Variants in FAM131A observed in about 807,000 individuals in gnomAD.
FAM131A encodes the protein protein FAM131A.
A neutral mutation model predicts 39.2 loss-of-function variants in FAM131A; 24 were observed. The observed-to-expected ratio is 0.61, with a 90% CI of 0.44 to 0.86. The LOEUF is 0.86. FAM131A is among the 40% of genes least tolerant of loss of function. The pLI, the probability that FAM131A is intolerant of heterozygous loss-of-function variation, is 0.00. For missense variants in FAM131A, 373 were observed against 481.2 expected, an observed-to-expected ratio of 0.78 and a Z score of 2.10; for synonymous variants, 202 against 206.8, an observed-to-expected ratio of 0.98 and a Z score of 0.20.
upstream of FAM131A, chr3:184,337,548 TC>T: frequency 4.6e-6 from 6 of 1,305,000 alleles, no homozygotes; most frequent in Non-Finnish European, 6.4e-6. Context: ...TGGCTCAGCA[TC>T]CGGAGCCAAA....
At chr3:184,343,120 CTCA>C in intron 5 of FAM131A, 3 of 115,366 alleles carry the variant, frequency 2.6e-5, no homozygotes, top group Non-Finnish European at 1.4e-5. Flanking sequence ...CCTTGCAGTC[CTCA>C]AAAAAAAAAA....
Position 184,342,996 on chromosome 3 carries a change from C to CTG in FAM131A, c.625+136_625+137insTG. On this transcript the variant is annotated intron_variant, in intron 5 of 5. Transcript: ENST00000383847. The surrounding 1 kb of genome is among the most constrained non-coding windows in gnomAD (Gnocchi z 4.6). ...CAGACTCAGTCCAGGCAGGCCTGGA[C>CTG]ACTCCAGGGACAGGAAGGCTGTCCA... The CTG allele has an allele frequency of 2.8e-6, 2 of 702,990 alleles. No homozygotes were observed. The highest frequency in any genetic ancestry group is 5.0e-6 in the Non-Finnish European group (2 of 403,518). The allele number at this position is 702,990 out of a possible 1,614,324, so 43.5% of individuals were successfully genotyped here.
In FAM131A at chr3:184,345,002, C is replaced by T. The variant is rs1727573462; in HGVS notation, c.*32C>T. 2.0e-6 allele frequency: 3 copies of T among 1,468,346 alleles called. No homozygotes were observed. Among genetic ancestry groups the T allele is most frequent in the African/African-American group, 1.4e-5 (1 of 71,300 alleles). The allele number at this position is 1,468,346 out of a possible 1,614,324, so 91.0% of individuals were successfully genotyped here. On this transcript the variant is annotated 3_prime_UTR_variant, in exon 6 of 6. Transcript: ENST00000383847. ...TCATGCCTGGCAGTGGCATGCATCC[C>T]CCGGCTGCTGCCAGGGGCAGAGCCT... is the stretch of plus-strand genomic sequence containing the variant.
At position 184,342,663 on chromosome 3, in the gene FAM131A, T is replaced by C. The variant is rs527524944; in HGVS notation, c.509-81T>C. ...TGGGGGTTGGAGTCTTCCCATACCC[T>C]GTTTCTCCTCTCTCCTGTCTTCAAG... On this transcript the variant is annotated intron_variant, in intron 4 of 5. Coordinates refer to ENST00000383847, the MANE Select transcript of FAM131A (RefSeq NM_144635.5). This position sits in a 1 kb window ranked among gnomAD's most constrained non-coding sequence, Gnocchi z 4.6. 2 of 1,276,658 alleles carry C rather than the reference T, an allele frequency of 1.6e-6. No homozygotes were observed. 79.1% of individuals were successfully genotyped at this position (1,276,658 alleles called of 1,614,324 possible).
At chr3:184,336,152 G>A (rs1397121606), upstream of FAM131A, 1 of 152,568 alleles carries the variant, frequency 6.6e-6, no homozygotes, top group Non-Finnish European at 1.5e-5. This position sits in a 1 kb window ranked among gnomAD's most constrained non-coding sequence, Gnocchi z 5.5. Flanking sequence ...GTACGGGTTG[G>A]GGAGTCGGGC....
At position 184,342,643 on chromosome 3, in the gene FAM131A, G is replaced by A; in HGVS notation, c.509-101G>A. 1.9e-6 allele frequency: 2 copies of A among 1,031,800 alleles called. No individual in the cohort carries two copies. Among genetic ancestry groups the A allele is most frequent in the Non-Finnish European group, 2.9e-6 (2 of 692,056 alleles). 63.9% of individuals were successfully genotyped at this position (1,031,800 alleles called of 1,614,324 possible). ...TTATCTCCTCGGGTCTGACATGGGG[G>A]TTGGAGTCTTCCCATACCCTGTTTC... is the stretch of plus-strand genomic sequence containing the variant. On this transcript the variant is annotated intron_variant, in intron 4 of 5. Transcript: ENST00000383847. The surrounding 1 kb of genome is among the most constrained non-coding windows in gnomAD (Gnocchi z 4.6).
At position 184,344,734 on chromosome 3, in the gene FAM131A, C is replaced by T. The variant is rs148934377; in HGVS notation, c.865C>T (p.Arg289Trp). The T allele has an allele frequency of 9.2e-5, 149 of 1,612,376 alleles. No individual in the cohort carries two copies. The highest frequency in any genetic ancestry group is 1.8e-4 in the East Asian group (8 of 44,878). Residue 289 changes from arginine to tryptophan, a missense_variant, in exon 6 of 6, where the codon CGG becomes TGG. Coordinates refer to ENST00000383847, the MANE Select transcript of FAM131A (RefSeq NM_144635.5). ...GCTTCTCGCCAAACTGCCCCCCAGC[C>T]GGGAAAGTGCCTTCCGCAGCCTGGG... is the stretch of plus-strand genomic sequence containing the variant. ...ELLLAKLPPS[R>W]ESAFRSLGPL...
intron 2 of FAM131A, chr3:184,339,376 G>A (rs749922439): frequency 2.0e-5 from 3 of 152,320 alleles, no homozygotes; most frequent in African/African-American, 4.8e-5. Context: ...CCAGAGGAAA[G>A]CTGAGTTCCT....
At position 184,344,520 on chromosome 3, in the gene FAM131A, G is replaced by T; in HGVS notation, c.651G>T (p.Gly217=). ...DTDMAGQLPL[G]PHLQDLFTGH... ...ACATGGCTGGGCAGCTGCCCCTGGG[G>T]CCGCACCTCCAGGACCTGTTCACCG... The change falls in exon 6 of 6, where the codon GGG becomes GGT. Residue 217 remains glycine (G), a synonymous_variant. Coordinates refer to ENST00000383847, the MANE Select transcript of FAM131A (RefSeq NM_144635.5). 1 of 1,538,028 alleles carries T rather than the reference G, an allele frequency of 6.5e-7. No individual in the cohort carries two copies. Among genetic ancestry groups the T allele is most frequent in the African/African-American group, 1.4e-5 (1 of 72,712 alleles).
At chr3:184,337,529 G>A, upstream of FAM131A, 1 of 1,010,970 alleles carries the variant, frequency 9.9e-7, no homozygotes, top group South Asian at 1.4e-5. Context: ...TTCCAAATGG[G>A]GAGGGGACTG....
rs529531031 is a variant in FAM131A at position 184,342,628 on chromosome 3, G to A, written c.509-116G>A. 28 of 891,222 alleles carry A rather than the reference G, an allele frequency of 3.1e-5. No individual in the cohort carries two copies. Among genetic ancestry groups the A allele is most frequent in the Middle Eastern group, 2.2e-4 (1 of 4,458 alleles). 55.2% of individuals were successfully genotyped at this position (891,222 alleles called of 1,614,324 possible). On this transcript the variant is annotated intron_variant, in intron 4 of 5. Transcript: ENST00000383847. The surrounding 1 kb of genome is among the most constrained non-coding windows in gnomAD (Gnocchi z 4.6). ...GCCAGGGCTGCTTTCTTATCTCCTCGGGTCTGACATGGGGGTTGGAGTCTT... is the reference window on the plus strand; with the variant it reads ...GCCAGGGCTGCTTTCTTATCTCCTCAGGTCTGACATGGGGGTTGGAGTCTT...
At chr3:184,338,666 G>A (rs1388214700) in intron 2 of FAM131A, 137 bp downstream of exon 2, 1 of 1,183,608 alleles carries the variant, frequency 8.4e-7, no homozygotes, top group South Asian at 1.5e-5. Context: ...GGCGGGCCGG[G>A]AGGCCGCCCC....
At chr3:184,338,660 G>T in intron 2 of FAM131A, 131 bp downstream of exon 2, 1 of 1,203,640 alleles carries the variant, frequency 8.3e-7, no homozygotes, top group Admixed American at 2.6e-5. Flanking sequence ...TCCGGCGGCG[G>T]GCCGGGAGGC....
Position 184,344,571 on chromosome 3 carries a change from C to G in FAM131A, c.702C>G (p.Arg234=). Residue 234 remains arginine, a synonymous_variant, in exon 6 of 6, where the codon CGC becomes CGG. Coordinates refer to ENST00000383847, the MANE Select transcript of FAM131A (RefSeq NM_144635.5). ...GCCACCGGTTCTCCCGGCCTGTGCG[C>G]CAGGGCTCCGTGGAGCCTGAGAGCG... ...FTGHRFSRPV[R]QGSVEPESDC... The G allele has an allele frequency of 6.2e-7, 1 of 1,608,090 alleles. No individual in the cohort carries two copies. Among genetic ancestry groups the G allele is most frequent in the Non-Finnish European group, 8.5e-7 (1 of 1,176,662 alleles).
intron 1 of FAM131A, 142 bp downstream of exon 1, chr3:184,337,860 G>A: frequency 3.8e-6 from 3 of 783,448 alleles, no homozygotes; most frequent in Non-Finnish European, 6.1e-6. Flanking sequence ...GGCCAGACAG[G>A]GCATCAGGAA....
rs772407913 is a variant in FAM131A, at chr3:184,344,560, C to T, written c.691C>T (p.Arg231Trp). The T allele has an allele frequency of 1.0e-5, 16 of 1,602,228 alleles. No individual in the cohort carries two copies. Among genetic ancestry groups the T allele is most frequent in the Admixed American group, 6.8e-5 (4 of 58,916 alleles). The change falls in exon 6 of 6, where the codon CGG becomes TGG. Residue 231 changes from arginine (R) to tryptophan (W), a missense_variant. Transcript: ENST00000383847. ...CCTGTTCACCGGCCACCGGTTCTCC[C>T]GGCCTGTGCGCCAGGGCTCCGTGGA... ...QDLFTGHRFS[R>W]PVRQGSVEPE...
At position 184,342,627 on chromosome 3, in the gene FAM131A, C is replaced by A; in HGVS notation, c.509-117C>A. ...GGCCAGGGCTGCTTTCTTATCTCCT[C>A]GGGTCTGACATGGGGGTTGGAGTCT... On this transcript the variant is annotated intron_variant, in intron 4 of 5. Transcript: ENST00000383847. This position sits in a 1 kb window ranked among gnomAD's most constrained non-coding sequence, Gnocchi z 4.6. 2 of 889,764 alleles carry A rather than the reference C, an allele frequency of 2.2e-6. No individual in the cohort carries two copies. The highest frequency in any genetic ancestry group is 1.7e-6 in the Non-Finnish European group (1 of 579,386). The allele number at this position is 889,764 out of a possible 1,614,324, so 55.1% of individuals were successfully genotyped here.
rs757716296 is a variant in FAM131A at position 184,342,055 on chromosome 3, C to T, written c.326-11C>T. 53 of 1,614,104 alleles carry T rather than the reference C, an allele frequency of 3.3e-5. No individual in the cohort carries two copies. Among genetic ancestry groups the T allele is most frequent in the Non-Finnish European group, 2.9e-5 (34 of 1,180,040 alleles). On this transcript the variant is annotated splice_polypyrimidine_tract_variant and intron_variant, in intron 3 of 5. Coordinates refer to ENST00000383847, the MANE Select transcript of FAM131A (RefSeq NM_144635.5). This position sits in a 1 kb window ranked among gnomAD's most constrained non-coding sequence, Gnocchi z 4.6. ...CCTTTACCAGGCTTCTCCACCCTCC[C>T]CTATCTCCAGGTATTTCCCAGGTGG...
rs954670921 is a variant in FAM131A at position 184,338,435 on chromosome 3, G to A, written c.137G>A (p.Gly46Asp). The A allele has an allele frequency of 4.6e-6, 7 of 1,505,788 alleles. No homozygotes were observed. Among genetic ancestry groups the A allele is most frequent in the South Asian group, 2.5e-5 (2 of 79,514 alleles). The allele number at this position is 1,505,788 out of a possible 1,614,324, so 93.3% of individuals were successfully genotyped here. The change falls in exon 2 of 6, where the codon GGT becomes GAT. Residue 46 changes from glycine (G) to aspartate (D), a missense_variant. Physicochemically the swap from Gly to Asp is moderately conservative, Grantham distance 94. This residue lies in a region of FAM131A where 221 missense variants were observed against 347.7 expected (regional missense o/e 0.64). Coordinates refer to ENST00000383847, the MANE Select transcript of FAM131A (RefSeq NM_144635.5). ...WAVEWIELPR[G>D]LSLSSLGSAR... ...GTGGAGTGGATCGAACTTCCTCGGG[G>A]TCTCTCTCTATCCTCTTTGGGATCT...
Sources: allele counts gnomAD v4.1 joint callset, GRCh38; gene constraint gnomAD v4.1.1; regional missense constraint gnomAD v4.1.1; non-coding constraint Gnocchi (gnomAD v3.1); transcripts MANE v1.5; gene names NCBI Gene and HGNC (gene_info 2026-07-23, HGNC 2026-07-21).